The following RBBP4 variants were observed in gnomAD, a reference collection of about 807,000 sequenced individuals.
RBBP4 encodes histone-binding protein RBBP4.
In RBBP4, 3 loss-of-function variants were observed where a neutral mutation model predicts 57.2. That is an observed-to-expected ratio of 0.05 (90% CI 0.02 to 0.14). The LOEUF (loss-of-function observed/expected upper bound fraction) is 0.14, where lower values mean the gene tolerates loss of function less well. Among genes scored for constraint, RBBP4 ranks in the 10% least tolerant of loss-of-function variants. The probability of loss-of-function intolerance (pLI) is 1.00; values close to 1 mark genes in which losing one functional copy is unlikely to be tolerated. For missense variants in RBBP4, 107 were observed against 520.6 expected (o/e 0.21, Z 7.73); for synonymous variants, 151 against 171.5 (o/e 0.88, Z 0.93).
chr1:32,665,419 T>C (rs974599186), intron 3 of RBBP4, among the ~76,000 whole-genome samples: 1 of 152,188 alleles, frequency 6.6e-6, no homozygotes, highest in Non-Finnish European at 1.5e-5. Flanking sequence ...GGCTCTCTCC[T>C]GTAATCCCAG....
intron 11 of RBBP4, among the ~76,000 whole-genome samples, chr1:32,678,000 G>C (rs1469023756): frequency 1.3e-5 from 2 of 152,136 alleles, no homozygotes; most frequent in Non-Finnish European, 2.9e-5. Context: ...TTCTATACAA[G>C]AACAGTTTTT....
At chr1:32,667,395 G>T (rs868401191) in intron 3 of RBBP4, among the ~76,000 whole-genome samples, 1 of 152,212 alleles carries the variant, frequency 6.6e-6, no homozygotes, top group African/African-American at 2.4e-5. Flanking sequence ...CCTGTCCCAT[G>T]ATCATGTGAC....
rs535898657 is a variant in RBBP4, at chr1:32,669,580, C to T, written c.966+17C>T. 1 of 1,585,916 alleles carries T rather than the reference C, an allele frequency of 6.3e-7. No homozygotes were observed. The highest frequency in any genetic ancestry group is 1.4e-5 in the African/African-American group (1 of 73,042). On this transcript the variant is annotated intron_variant, in intron 8 of 11. Coordinates refer to ENST00000373493, the MANE Select transcript of RBBP4 (RefSeq NM_005610.3). This position sits in a 1 kb window ranked among gnomAD's most constrained non-coding sequence, Gnocchi z 4.9. ...ATATTCCAGGTAAGAGAAACTAATG[C>T]TACTATTTTGTTTGTTTTAAGAAAA...
chr1:32,652,329 AAAT>A, intron 2 of RBBP4: 2 of 347,564 alleles, frequency 5.8e-6, no homozygotes, highest in South Asian at 4.5e-5. Flanking sequence ...TGGCTGTACC[AAAT>A]AATAGTACAA....
chr1:32,669,686 C>T lies in RBBP4; in HGVS notation c.966+123C>T, dbSNP rs974063648. ...CGGGCGGATCACAAGGTCAGGAGAT[C>T]GAGACCATCCTGGCTAACACGGTGA... On this transcript the variant is annotated intron_variant, in intron 8 of 11. Coordinates refer to ENST00000373493, the MANE Select transcript of RBBP4 (RefSeq NM_005610.3). This position sits in a 1 kb window ranked among gnomAD's most constrained non-coding sequence, Gnocchi z 4.9. 1.2e-5 allele frequency: 16 copies of T among 1,379,394 alleles called. No homozygotes were observed. Among genetic ancestry groups the T allele is most frequent in the South Asian group, 8.5e-5 (5 of 58,716 alleles). The allele number at this position is 1,379,394 out of a possible 1,614,324, so 85.4% of individuals were successfully genotyped here. A position where few individuals can be genotyped will look rare whatever the true frequency, so the allele number is the denominator to read the frequency against.
At chr1:32,654,010 A>G (rs1648028940) in intron 2 of RBBP4, among the ~76,000 whole-genome samples, 3 of 152,004 alleles carry the variant, frequency 2.0e-5, no homozygotes, top group Admixed American at 2.0e-4. Context: ...GATCATCAGA[A>G]TTGCTTGGGG....
At chr1:32,674,116 A>G (rs978455213) in intron 11 of RBBP4, among the ~76,000 whole-genome samples, 2 of 152,084 alleles carry the variant, frequency 1.3e-5, no homozygotes, top group African/African-American at 4.8e-5. Flanking sequence ...AAATATATAT[A>G]TGTATATATT....
At chr1:32,677,928 C>G (rs1649176022) in intron 11 of RBBP4, among the ~76,000 whole-genome samples, 1 of 152,078 alleles carries the variant, frequency 6.6e-6, no homozygotes, top group Admixed American at 6.6e-5. Context: ...AAAGTGGTTC[C>G]TGTATTTTAA....
chr1:32,677,771 T>C (rs970520279), intron 11 of RBBP4, among the ~76,000 whole-genome samples: 2 of 152,164 alleles, frequency 1.3e-5, no homozygotes, highest in African/African-American at 4.8e-5. Context: ...AGAAGTAACG[T>C]CAGAAAGCAT....
At position 32,679,821 on chromosome 1, in the gene RBBP4, C is replaced by A; in HGVS notation, c.*116C>A. ...CAGCTATCCCTCTATATAATAGGTA[C>A]CACCGATAATGCTATTAGCCCAAAC... On this transcript the variant is annotated 3_prime_UTR_variant, in exon 12 of 12. Transcript: ENST00000373493. 6.8e-7 allele frequency: 1 copy of A among 1,472,378 alleles called. No individual in the cohort carries two copies. The highest frequency in any genetic ancestry group is 8.9e-7 in the Non-Finnish European group (1 of 1,119,058). 91.2% of individuals were successfully genotyped at this position (1,472,378 alleles called of 1,614,324 possible).
chr1:32,668,150 C>G (rs1407479435), intron 3 of RBBP4, 75 bp from the exon 4 acceptor site: 7 of 1,378,360 alleles, frequency 5.1e-6, no homozygotes, highest in Non-Finnish European at 6.9e-6. Flanking sequence ...AAAATCCTTT[C>G]CTGTGTTCTT....
At chr1:32,656,062 T>C (rs961550046) in intron 2 of RBBP4, among the ~76,000 whole-genome samples, 1 of 152,186 alleles carries the variant, frequency 6.6e-6, no homozygotes, top group African/African-American at 2.4e-5. Flanking sequence ...GAACACTAAA[T>C]AGTCAGTTTT....
At chr1:32,656,041 G>A (rs953926577) in intron 2 of RBBP4, among the ~76,000 whole-genome samples, 1 of 152,178 alleles carries the variant, frequency 6.6e-6, no homozygotes, top group Admixed American at 6.5e-5. Flanking sequence ...AATGCCTTAA[G>A]ACGGCATTCA....
rs941813879 is a variant in RBBP4 at position 32,685,128 on chromosome 1, G to A, written c.*5423G>A. ...GTCTCCCAAAGTGCTGGGATTACAG[G>A]TGTGAGCCACTGTGCCCAGCTTATC... On this transcript the variant is annotated 3_prime_UTR_variant, in exon 12 of 12. Transcript: ENST00000373493. 2 of 152,426 alleles carry A rather than the reference G, an allele frequency of 1.3e-5. No homozygotes were observed. The highest frequency in any genetic ancestry group is 3.8e-4 in the East Asian group (2 of 5,196). The allele number at this position is 152,426 out of a possible 1,614,324, so 9.4% of individuals were successfully genotyped here.
Position 32,680,287 on chromosome 1 carries a change from T to C in RBBP4, c.*582T>C, listed in dbSNP as rs1649342308. On this transcript the variant is annotated 3_prime_UTR_variant, in exon 12 of 12. Transcript: ENST00000373493. Reference sequence around the variant, plus strand: ...ATATTCATATATTTTTGCTCGTTAGTGTATTTCTTGAGCTGTTTTCATGTT... The same window carrying C: ...ATATTCATATATTTTTGCTCGTTAGCGTATTTCTTGAGCTGTTTTCATGTT... The C allele has an allele frequency of 2.4e-6, 3 of 1,269,066 alleles. No individual in the cohort carries two copies. The highest frequency in any genetic ancestry group is 2.6e-5 in the South Asian group (1 of 37,934). The allele number at this position is 1,269,066 out of a possible 1,614,324, so 78.6% of individuals were successfully genotyped here.
chr1:32,680,082 T>C lies in RBBP4; in HGVS notation c.*377T>C. 9.4e-7 allele frequency: 1 copy of C among 1,068,274 alleles called. No homozygotes were observed. The allele number at this position is 1,068,274 out of a possible 1,614,324, so 66.2% of individuals were successfully genotyped here. A position where few individuals can be genotyped will look rare whatever the true frequency, so the allele number is the denominator to read the frequency against. On this transcript the variant is annotated 3_prime_UTR_variant, in exon 12 of 12. Transcript: ENST00000373493. The stretch of plus-strand genomic sequence containing the variant: ...CCAAATGAGGTAGGTGTCTGAGCCA[T>C]GAAGTATAAATACTGAAAGATGTCA...
At chr1:32,656,050 C>G (rs1648126307) in intron 2 of RBBP4, among the ~76,000 whole-genome samples, 1 of 152,172 alleles carries the variant, frequency 6.6e-6, no homozygotes, top group African/African-American at 2.4e-5. Context: ...AGACGGCATT[C>G]AGAACACTAA....
intron 3 of RBBP4, among the ~76,000 whole-genome samples, chr1:32,659,635 C>G (rs969266826): frequency 6.6e-6 from 1 of 151,986 alleles, no homozygotes; most frequent in Non-Finnish European, 1.5e-5. Flanking sequence ...GTATTGTTTT[C>G]TGAAGGATTT....
chr1:32,666,714 G>A (rs1302834959), intron 3 of RBBP4, among the ~76,000 whole-genome samples: 4 of 152,158 alleles, frequency 2.6e-5, no homozygotes, highest in Admixed American at 6.6e-5. Flanking sequence ...CCCAGGTGCC[G>A]AGGCAAGAGA....
Sources: allele counts gnomAD v4.1 joint callset (sites outside exome capture counted in the v4.1 genomes callset), GRCh38; gene constraint gnomAD v4.1.1; non-coding constraint Gnocchi (gnomAD v3.1); transcripts MANE v1.5; gene names NCBI Gene and HGNC (gene_info 2026-07-23, HGNC 2026-07-21).